Variants in ERICH6 observed in about 807,000 individuals in gnomAD.
The protein encoded by ERICH6 is glutamate-rich protein 6.
A neutral mutation model predicts 71.0 loss-of-function variants in ERICH6; 71 were observed. That is an observed-to-expected ratio of 1.00 (90% confidence interval 0.83 to 1.22). The LOEUF is 1.22. Among genes scored for constraint, ERICH6 ranks in the 50% most tolerant of loss-of-function variants. ERICH6 has a pLI of 0.00. For missense variants in ERICH6, 808 were observed against 797.2 expected (o/e 1.01, Z -0.16); for synonymous variants, 262 against 278.4 (o/e 0.94, Z 0.59).
intron 6 of ERICH6, 75 bp from the exon 7 acceptor site, chr3:150,682,391 G>A (rs951017451): frequency 4.2e-5 from 45 of 1,074,324 alleles, no homozygotes; most frequent in Middle Eastern, 2.0e-4. Flanking sequence ...GCAGGAGCAC[G>A]ACCCTGGGCA....
At chr3:150,665,225 T>C (rs1263187246) in intron 13 of ERICH6, among the ~76,000 whole-genome samples, 1 of 152,154 alleles carries the variant, frequency 6.6e-6, no homozygotes, top group African/African-American at 2.4e-5. Flanking sequence ...CGCTCTATGT[T>C]GCCTGAATTT....
Position 150,669,283 on chromosome 3 carries a change from C to A in ERICH6, c.1499+13G>T. On this transcript the variant is annotated intron_variant, in intron 12 of 13. Transcript: ENST00000295910. Reference sequence around the variant, plus strand: ...AGCCACAAAATGGCAGCAGCAGGAACCTAGAAGCTTACCAGACATTTCCAT... The same window carrying A: ...AGCCACAAAATGGCAGCAGCAGGAAACTAGAAGCTTACCAGACATTTCCAT... The A allele has an allele frequency of 1.3e-6, 2 of 1,584,716 alleles. No individual in the cohort carries two copies. The highest frequency in any genetic ancestry group is 1.7e-6 in the Non-Finnish European group (2 of 1,168,434).
chr3:150,686,284 A>G lies in ERICH6; in HGVS notation c.610+14T>C. The G allele has an allele frequency of 6.2e-7, 1 of 1,613,866 alleles. No homozygotes were observed. Among genetic ancestry groups the G allele is most frequent in the Non-Finnish European group, 8.5e-7 (1 of 1,179,778 alleles). On this transcript the variant is annotated intron_variant, in intron 4 of 13. Transcript: ENST00000295910. ...TTTGCCAGCAAAAGGAGATGATGCCAAACATGTATTTACCTCTTAACTTAG... is the reference window on the plus strand; with the variant it reads ...TTTGCCAGCAAAAGGAGATGATGCCGAACATGTATTTACCTCTTAACTTAG...
intron 7 of ERICH6, among the ~76,000 whole-genome samples, chr3:150,681,634 A>G (rs1711941585): frequency 6.6e-6 from 1 of 152,158 alleles, no homozygotes; most frequent in Non-Finnish European, 1.5e-5. Context: ...TGTTTTCCAA[A>G]GTGATGCACC....
chr3:150,667,145 C>A, intron 12 of ERICH6, 130 bp from the exon 13 acceptor site: 1 of 788,056 alleles, frequency 1.3e-6, no homozygotes, highest in South Asian at 1.7e-5. Context: ...GTGGAAACTT[C>A]AGGTAATCTT....
intron 3 of ERICH6, among the ~76,000 whole-genome samples, chr3:150,694,237 T>A (rs1299403988): frequency 6.6e-6 from 1 of 152,012 alleles, no homozygotes; most frequent in Non-Finnish European, 1.5e-5. Context: ...TCTGAAAAAT[T>A]TTATCTTTAA....
Position 150,668,636 on chromosome 3 carries a change from C to T in ERICH6, c.1499+660G>A, listed in dbSNP as rs116407331. The stretch of plus-strand genomic sequence containing the variant: ...TTCACCAATTACTGGCAGAGGTTCC[C>T]GAGATGAGATTGTTATACCTGTATA... On this transcript the variant is annotated intron_variant, in intron 12 of 13. Coordinates refer to ENST00000295910, the MANE Select transcript of ERICH6 (RefSeq NM_152394.5). Among the ~76,000 whole-genome samples the T allele has an allele frequency of 4.5e-3, 691 of 152,128 alleles. 5 individuals are homozygous for T. Among genetic ancestry groups the T allele is most frequent in the Non-Finnish European group, 7.8e-3 (527 of 67,996 alleles).
intron 13 of ERICH6, among the ~76,000 whole-genome samples, chr3:150,663,437 A>G (rs1727291520): frequency 6.6e-6 from 1 of 152,166 alleles, no homozygotes; most frequent in South Asian, 2.1e-4. Context: ...AAGTGTTGAA[A>G]TCAAGTTCTG....
intron 7 of ERICH6, 126 bp from the exon 8 acceptor site, chr3:150,681,056 T>A: frequency 1.0e-6 from 1 of 959,406 alleles, no homozygotes; most frequent in Non-Finnish European, 1.5e-6. Context: ...ATAGCTTTAT[T>A]AAGATATAAT....
At chr3:150,680,688 A>G in intron 8 of ERICH6, 85 bp downstream of exon 8, 1 of 1,555,340 alleles carries the variant, frequency 6.4e-7, no homozygotes, top group Non-Finnish European at 8.7e-7. Flanking sequence ...AAAGTTATAT[A>G]TCTTGAAAAA....
intron 7 of ERICH6, 144 bp from the exon 8 acceptor site, chr3:150,681,074 C>T: frequency 1.2e-6 from 1 of 813,050 alleles, no homozygotes; most frequent in Non-Finnish European, 1.8e-6. Flanking sequence ...AATTCACATA[C>T]CATACAATTC....
intron 2 of ERICH6, among the ~76,000 whole-genome samples, chr3:150,699,723 C>CAAAAAAAAAAAAA (rs146953448): frequency 7.3e-6 from 1 of 136,750 alleles, no homozygotes. Flanking sequence ...GAGATAAAAA[C>CAAAAAAAAAAAAA]AAAAAAAAAA....
rs57492414 is a variant in ERICH6, at chr3:150,672,264, C to CATATATATATATAT, written c.1343+1678_1343+1691dup. Among the ~76,000 whole-genome samples, 350 of 123,654 alleles carry CATATATATATATAT rather than the reference C, an allele frequency of 2.8e-3. 20 individuals carry two copies. Among genetic ancestry groups the CATATATATATATAT allele is most frequent in the African/African-American group, 0.011 (327 of 31,062 alleles). The allele number at this position is 123,654 out of a possible 152,430, so 81.1% of individuals were successfully genotyped here. A position where few individuals can be genotyped will look rare whatever the true frequency, so the allele number is the denominator to read the frequency against. On this transcript the variant is annotated intron_variant, in intron 11 of 13. Coordinates refer to ENST00000295910, the MANE Select transcript of ERICH6 (RefSeq NM_152394.5). Reference sequence around the variant, plus strand: ...TAAACAAAGAATCCATTTATATATACATATATATATATATGCTCATACACA... The same window carrying CATATATATATATAT: ...TAAACAAAGAATCCATTTATATATACATATATATATATATATATATATATATATGCTCATACACA...
intron 13 of ERICH6, among the ~76,000 whole-genome samples, chr3:150,665,813 G>A (rs1727392872): frequency 7.5e-6 from 1 of 134,188 alleles, no homozygotes; most frequent in Admixed American, 7.9e-5. Flanking sequence ...GGAAGACAGA[G>A]CAAGGCTCCA....
intron 5 of ERICH6, 50 bp downstream of exon 5, chr3:150,685,916 A>AT: frequency 1.1e-5 from 17 of 1,602,198 alleles, no homozygotes; most frequent in Non-Finnish European, 1.5e-5. Flanking sequence ...TTGATAAGCC[A>AT]TTTTTACTAT....
chr3:150,680,724 C>T (rs750608510), intron 8 of ERICH6, 49 bp downstream of exon 8: 5 of 1,567,460 alleles, frequency 3.2e-6, no homozygotes, highest in Non-Finnish European at 4.3e-6. Flanking sequence ...AAAACGAGCT[C>T]CGATTAAGCC....
Position 150,686,363 on chromosome 3 carries a change from A to C in ERICH6, c.554-9T>G. On this transcript the variant is annotated splice_polypyrimidine_tract_variant and intron_variant, in intron 3 of 13. Coordinates refer to ENST00000295910, the MANE Select transcript of ERICH6 (RefSeq NM_152394.5). ...TTTAGAGGCTTTCTTCCCTGTGAAA[A>C]CAGGGTACATGTGTCATCAATCTGA... 1 of 1,613,950 alleles carries C rather than the reference A, an allele frequency of 6.2e-7. No individual in the cohort carries two copies. The highest frequency in any genetic ancestry group is 8.5e-7 in the Non-Finnish European group (1 of 1,179,812).
In ERICH6 at chr3:150,703,803, T is replaced by TTCCTCCTCCTCC; in HGVS notation, c.84_95dup (p.Glu30_Glu33dup). On this transcript the variant is annotated inframe_insertion, in exon 1 of 14. Coordinates refer to ENST00000295910, the MANE Select transcript of ERICH6 (RefSeq NM_152394.5). Reference sequence around the variant, plus strand: ...CCTCTTCCTCCTCCTCCTCCACCTCTTCCTCCTCCTCCTCCTCCTCTAACT... The same window carrying TTCCTCCTCCTCC: ...CCTCTTCCTCCTCCTCCTCCACCTCTTCCTCCTCCTCCTCCTCCTCCTCCTCCTCCTCTAACT... The TTCCTCCTCCTCC allele has an allele frequency of 6.3e-7, 1 of 1,594,514 alleles. No homozygotes were observed.
intron 3 of ERICH6, among the ~76,000 whole-genome samples, chr3:150,690,434 A>G (rs570568040): frequency 6.2e-4 from 95 of 152,310 alleles, no homozygotes; most frequent in African/African-American, 2.1e-3. Context: ...ATTAATCTAT[A>G]AGATGTACTT....
Sources: gnomAD v4.1 joint callset for allele counts (sites outside exome capture counted in the v4.1 genomes callset) on GRCh38, gnomAD v4.1.1 for gene constraint, MANE v1.5 for transcripts, NCBI Gene and HGNC (gene_info 2026-07-23, HGNC 2026-07-21) for gene names.